Variants in ANXA2 observed in about 807,000 individuals in gnomAD.
ANXA2 encodes annexin II.
ANXA2 carries 28 observed loss-of-function variants against 47.3 expected under a neutral mutation model. The ratio of observed to expected loss-of-function variants is 0.59; its 90% CI spans 0.44 to 0.81. The LOEUF (loss-of-function observed/expected upper bound fraction) is 0.81. Ranked by LOEUF, ANXA2 falls within the 40% of genes least tolerant of loss-of-function variation. The pLI is 0.00. For synonymous variants in ANXA2, 172 were observed against 155.5 expected (o/e 1.11, Z -0.79); for missense variants, 384 against 414.3 (o/e 0.93, Z 0.64).
chr15:60,380,311 GT>G (rs2062838655), intron 3 of ANXA2, among the ~76,000 whole-genome samples: 2 of 152,062 alleles, frequency 1.3e-5, no homozygotes, highest in African/African-American at 4.8e-5. Flanking sequence ...AAAGTTCCGT[GT>G]TTTCCCCAAG....
chr15:60,393,250 T>C, intron 1 of ANXA2: 1 of 1,058,552 alleles, frequency 9.4e-7, no homozygotes, highest in Non-Finnish European at 1.1e-6. Context: ...TGTTGCAGCT[T>C]CATGCTCTCA....
At chr15:60,379,340 A>G (rs887599199) in intron 3 of ANXA2, among the ~76,000 whole-genome samples, 1 of 152,218 alleles carries the variant, frequency 6.6e-6, no homozygotes, top group Admixed American at 6.5e-5. Flanking sequence ...CTCACTGAAC[A>G]TTAAGTCTGG....
At chr15:60,351,858 C>G in intron 9 of ANXA2, 39 bp from the exon 10 acceptor site, 1 of 1,393,222 alleles carries the variant, frequency 7.2e-7, no homozygotes, top group South Asian at 1.2e-5. Context: ...ATCCGAGCCA[C>G]TAGTCAAAGC....
intron 1 of ANXA2, 32 bp from the exon 2 acceptor site, chr15:60,386,118 G>T: frequency 6.6e-7 from 1 of 1,513,132 alleles, no homozygotes; most frequent in Non-Finnish European, 9.2e-7. Context: ...AAGTCTTTAT[G>T]AAGAGGCTCT....
At chr15:60,374,691 A>C (rs903245582) in intron 3 of ANXA2, 1 of 456,118 alleles carries the variant, frequency 2.2e-6, no homozygotes. Context: ...ACCTACATAG[A>C]TACATAGACA....
intron 10 of ANXA2, 42 bp downstream of exon 10, chr15:60,351,681 TG>T: frequency 7.6e-7 from 1 of 1,308,510 alleles, no homozygotes; most frequent in Non-Finnish European, 1.1e-6. Flanking sequence ...ACTTCTGCTC[TG>T]GTAGCTGATG....
At position 60,352,339 on chromosome 15, in the gene ANXA2, G is replaced by T; in HGVS notation, c.682+44C>A. 1 of 1,437,530 alleles carries T rather than the reference G, an allele frequency of 7.0e-7. No homozygotes were observed. The highest frequency in any genetic ancestry group is 1.2e-5 in the South Asian group (1 of 85,052). The allele number at this position is 1,437,530 out of a possible 1,614,324, so 89.0% of individuals were successfully genotyped here. A position where few individuals can be genotyped will look rare whatever the true frequency, so the allele number is the denominator to read the frequency against. ...CATGGACATCCACCCAGCCGCCCCA[G>T]CCAGGGCCCCAAGGCACTGAGACTC... is the stretch of plus-strand genomic sequence containing the variant. On this transcript the variant is annotated intron_variant, in intron 9 of 12. Coordinates refer to ENST00000451270, the MANE Select transcript of ANXA2 (RefSeq NM_004039.3). The surrounding 1 kb of genome is among the most constrained non-coding windows in gnomAD (Gnocchi z 4.2).
intron 1 of ANXA2, among the ~76,000 whole-genome samples, chr15:60,397,569 C>G (rs1017179329): frequency 6.6e-6 from 1 of 152,148 alleles, no homozygotes; most frequent in African/African-American, 2.4e-5. Context: ...ACCTGCGGCT[C>G]CCTGGGCGGC....
intron 1 of ANXA2, among the ~76,000 whole-genome samples, chr15:60,391,735 T>TCA (rs2063013952): frequency 6.6e-6 from 1 of 152,130 alleles, no homozygotes; most frequent in Non-Finnish European, 1.5e-5. Context: ...TCACCTCTAC[T>TCA]CACTCCTCAT....
At position 60,382,432 on chromosome 15, in the gene ANXA2, G is replaced by A. The variant is rs766318356; in HGVS notation, c.58C>T (p.Pro20Ser). The change falls in exon 3 of 13, where the codon CCC becomes TCC. Residue 20 changes from proline to serine, a missense_variant. Transcript: ENST00000451270. ...TTGACAGACCCATATGCACTTGGGG[G>A]TGTAGAGTGCTGAGGTTAAAAGATA... is the stretch of plus-strand genomic sequence containing the variant. ...KLSLEGDHST[P>S]PSAYGSVKAY... The A allele has an allele frequency of 1.2e-6, 2 of 1,612,376 alleles. No homozygotes were observed. Among genetic ancestry groups the A allele is most frequent in the Admixed American group, 1.7e-5 (1 of 59,990 alleles).
At position 60,386,021 on chromosome 15, in the gene ANXA2, T is replaced by C. The variant is rs1204294920; in HGVS notation, c.48+7A>G. 7 of 1,605,314 alleles carry C rather than the reference T, an allele frequency of 4.4e-6. No individual in the cohort carries two copies. The highest frequency in any genetic ancestry group is 2.2e-5 in the East Asian group (1 of 44,814). ...AAAATTATATAAAGTGAAAGTGATA[T>C]ACTTACATCACCCTCCAAGCTGAGC... On this transcript the variant is annotated splice_region_variant and intron_variant, in intron 2 of 12. Transcript: ENST00000451270.
At chr15:60,349,781 GGA>G in intron 11 of ANXA2, among the ~76,000 whole-genome samples, 1 of 138,254 alleles carries the variant, frequency 7.2e-6, no homozygotes, top group African/African-American at 2.7e-5. Flanking sequence ...AAGGAAGGAA[GGA>G]GAGAGAAAGA....
At chr15:60,381,629 T>G (rs2062860873) in intron 3 of ANXA2, among the ~76,000 whole-genome samples, 1 of 152,088 alleles carries the variant, frequency 6.6e-6, no homozygotes, top group Non-Finnish European at 1.5e-5. Context: ...ATCCTAGAAC[T>G]TGAGGAAATA....
intron 3 of ANXA2, among the ~76,000 whole-genome samples, chr15:60,378,836 C>G (rs1478180433): frequency 6.6e-6 from 1 of 151,934 alleles, no homozygotes; most frequent in Non-Finnish European, 1.5e-5. Flanking sequence ...CATGGTGGCA[C>G]ACGCCTATAG....
chr15:60,350,881 T>G (rs1025042992), intron 11 of ANXA2, among the ~76,000 whole-genome samples: 3 of 152,228 alleles, frequency 2.0e-5, no homozygotes, highest in African/African-American at 7.2e-5. Context: ...TTGTCTTGAC[T>G]CTGGCAGTAA....
At chr15:60,380,233 TACA>T (rs2062837216) in intron 3 of ANXA2, among the ~76,000 whole-genome samples, 1 of 152,188 alleles carries the variant, frequency 6.6e-6, no homozygotes, top group African/African-American at 2.4e-5. Flanking sequence ...CTTCATACTT[TACA>T]ACAATCCCGT....
In ANXA2 at chr15:60,351,828, AAAC is replaced by A. The variant is rs1372732617; in HGVS notation, c.683-12_683-10del. On this transcript the variant is annotated splice_polypyrimidine_tract_variant and intron_variant, in intron 9 of 12. Coordinates refer to ENST00000451270, the MANE Select transcript of ANXA2 (RefSeq NM_004039.3). ...CTTGTACCTATCAAATACTGAGGAAAAACAACAAAGAGTTATCAGATCCGAGCC... is the reference window on the plus strand; with the variant it reads ...CTTGTACCTATCAAATACTGAGGAAAAACAAAGAGTTATCAGATCCGAGCC... The A allele has an allele frequency of 6.3e-7, 1 of 1,588,144 alleles. No individual in the cohort carries two copies. Among genetic ancestry groups the A allele is most frequent in the Admixed American group, 1.7e-5 (1 of 59,922 alleles).
chr15:60,364,666 A>G (rs1273584732), intron 3 of ANXA2, 143 bp from the exon 4 acceptor site: 6 of 602,386 alleles, frequency 1.0e-5, no homozygotes, highest in Non-Finnish European at 5.7e-6. Context: ...GATTTGTTCT[A>G]TCTCTTTCGT....
chr15:60,386,104 C>A lies in ANXA2; in HGVS notation c.-11-18G>T. The A allele has an allele frequency of 6.3e-7, 1 of 1,590,412 alleles. No individual in the cohort carries two copies. Among genetic ancestry groups the A allele is most frequent in the South Asian group, 1.1e-5 (1 of 89,698 alleles). On this transcript the variant is annotated intron_variant, in intron 1 of 12. Transcript: ENST00000451270. The stretch of plus-strand genomic sequence containing the variant: ...GAAGGAAGCTGGAAAAAAAGTACAA[C>A]AAAAAGTCTTTATGAAGAGGCTCTC...
Sources: allele counts gnomAD v4.1 joint callset (sites outside exome capture counted in the v4.1 genomes callset), GRCh38; gene constraint gnomAD v4.1.1; non-coding constraint Gnocchi (gnomAD v3.1); transcripts MANE v1.5; gene names NCBI Gene and HGNC (gene_info 2026-07-23, HGNC 2026-07-21).